The following CCDC7 variants were observed in gnomAD, a reference collection of about 807,000 sequenced individuals.
CCDC7 encodes coiled-coil domain containing 7, also known as coiled-coil domain-containing protein 7.
In CCDC7, 183 loss-of-function variants were observed where a neutral mutation model predicts 196.9. The observed-to-expected ratio is 0.93, with a 90% CI of 0.82 to 1.05. CCDC7 has a LOEUF of 1.05. CCDC7 is among the 50% of genes least tolerant of loss of function. CCDC7 has a pLI of 0.00. For missense variants in CCDC7, 1,540 were observed against 1,482.2 expected (o/e 1.04, Z -0.64); for synonymous variants, 525 against 484.6 (o/e 1.08, Z -1.10).
chr10:32,588,685 T>C (rs1205207019), intron 18 of CCDC7, among the ~76,000 whole-genome samples: 1 of 152,170 alleles, frequency 6.6e-6, no homozygotes, highest in Non-Finnish European at 1.5e-5. Flanking sequence ...AAGTTTTCCC[T>C]ATTCTTTTAT....
intron 18 of CCDC7, among the ~76,000 whole-genome samples, chr10:32,633,696 A>ATATATATGTGTGTG (rs779341941): frequency 0.026 from 3,566 of 134,704 alleles, 77 homozygotes; most frequent in Admixed American, 0.066. Context: ...ATATATATAT[A>ATATATATGTGTGTG]TGTGTGTGTG....
chr10:32,825,826 C>T lies in CCDC7; in HGVS notation c.3268+1222C>T, dbSNP rs192971012. ...GCAATGAAAGGTGCATGCACAGCCT[C>T]GCCAGGTGTCTACTGTTAAAGTGAG... is the stretch of plus-strand genomic sequence containing the variant. On this transcript the variant is annotated intron_variant, in intron 32 of 41. Transcript: ENST00000639629. Among the ~76,000 whole-genome samples, 25 of 152,242 alleles carry T rather than the reference C, an allele frequency of 1.6e-4. No homozygotes were observed. The South Asian group carries it at 3.7e-3, about 23-fold the overall frequency.
rs148714626 is a variant in CCDC7 at position 32,656,719 on chromosome 10, C to T, written c.2015-7335C>T. ...GCGAGCCAAACCATATCATTCCACC[C>T]GGCCCCTCCCAAATCTCATGTCCTC... is the stretch of plus-strand genomic sequence containing the variant. On this transcript the variant is annotated intron_variant, in intron 20 of 41. Transcript: ENST00000639629. Among the ~76,000 whole-genome samples the T allele has an allele frequency of 5.1e-3, 781 of 152,246 alleles. 8 individuals are homozygous for T. Among genetic ancestry groups the T allele is most frequent in the African/African-American group, 0.017 (692 of 41,558 alleles).
chr10:32,776,280 A>G (rs2080039251), intron 28 of CCDC7, among the ~76,000 whole-genome samples: 1 of 149,974 alleles, frequency 6.7e-6, no homozygotes, highest in Non-Finnish European at 1.5e-5. Context: ...TTGAAGTATA[A>G]TAAAAAAAAA....
At chr10:32,562,642 A>C (rs1403310843) in intron 13 of CCDC7, among the ~76,000 whole-genome samples, 1 of 152,206 alleles carries the variant, frequency 6.6e-6, no homozygotes, top group African/African-American at 2.4e-5. Flanking sequence ...TATTGATGGG[A>C]CGTATCTCAA....
In CCDC7 at chr10:32,610,393, C is replaced by T. The variant is rs373193566; in HGVS notation, c.1802-23861C>T. Among the ~76,000 whole-genome samples the T allele has an allele frequency of 5.3e-5, 8 of 152,112 alleles. No individual in the cohort carries two copies. The East Asian group carries it at 7.7e-4, about 15-fold the overall frequency. On this transcript the variant is annotated intron_variant, in intron 18 of 41. Coordinates refer to ENST00000639629, the Ensembl canonical transcript of CCDC7. Reference sequence around the variant, plus strand: ...TGCTGGGATTACAGGCGTGAGCCAACGCACCCGGCCCCAGATTTCTTTATT... The same window carrying T: ...TGCTGGGATTACAGGCGTGAGCCAATGCACCCGGCCCCAGATTTCTTTATT...
intron 8 of CCDC7, among the ~76,000 whole-genome samples, chr10:32,486,246 A>G (rs1010263513): frequency 1.2e-4 from 19 of 152,100 alleles, no homozygotes; most frequent in Admixed American, 2.6e-4. Context: ...CTTTACCATT[A>G]TGTAATGGCC....
intron 14 of CCDC7, among the ~76,000 whole-genome samples, chr10:32,567,078 T>A (rs2056935952): frequency 6.8e-6 from 1 of 146,002 alleles, no homozygotes; most frequent in South Asian, 2.1e-4. Context: ...ATATAATATA[T>A]ATTATATATA....
At chr10:32,676,813 G>A (rs560319957) in intron 21 of CCDC7, among the ~76,000 whole-genome samples, 3 of 152,200 alleles carry the variant, frequency 2.0e-5, no homozygotes, top group African/African-American at 7.2e-5. Context: ...GCAGTGTGGC[G>A]ATTCCTCAGG....
chr10:32,622,074 A>G (rs1336768642), intron 18 of CCDC7, among the ~76,000 whole-genome samples: 1 of 152,124 alleles, frequency 6.6e-6, no homozygotes, highest in Non-Finnish European at 1.5e-5. Flanking sequence ...TTTATCTCTC[A>G]CCTTTCTCTA....
At chr10:32,738,722 C>T (rs1362388951) in intron 28 of CCDC7, among the ~76,000 whole-genome samples, 2 of 151,872 alleles carry the variant, frequency 1.3e-5, no homozygotes, top group Non-Finnish European at 2.9e-5. Flanking sequence ...AATCCATCTG[C>T]TTTAGCCTCC....
At chr10:32,456,174 G>C (rs557571096) in intron 2 of CCDC7, 77 bp from the exon 4 acceptor site, 4 of 1,311,602 alleles carry the variant, frequency 3.0e-6, no homozygotes, top group Non-Finnish European at 4.0e-6. Flanking sequence ...TTTTCAAAAA[G>C]TAAATATGCT....
At chr10:32,621,707 A>G (rs1403113304) in intron 18 of CCDC7, among the ~76,000 whole-genome samples, 1 of 152,196 alleles carries the variant, frequency 6.6e-6, no homozygotes, top group African/African-American at 2.4e-5. Context: ...TGAAGGCCCA[A>G]CAACCAGGAG....
exon 30 of CCDC7, chr10:32,805,064 T>C: frequency 6.2e-7 from 1 of 1,612,258 alleles, no homozygotes; most frequent in Non-Finnish European, 8.5e-7. Context: ...GCTTATTAAA[T>C]GATGAATTCA....
In CCDC7 at chr10:32,785,121, GA is replaced by G. The variant is rs528244811; in HGVS notation, c.3013+6044del. 6.0e-3 allele frequency among the ~76,000 whole-genome samples: 914 copies of G among 152,160 alleles called. 9 individuals carry two copies. The highest frequency in any genetic ancestry group is 0.021 in the African/African-American group (869 of 41,514). On this transcript the variant is annotated intron_variant, in intron 29 of 41. Coordinates refer to ENST00000639629, the Ensembl canonical transcript of CCDC7. ...ATTTTCATCTCTATCAAATATTGCA[GA>G]AAAAAACTAGTTTATGAAGGACATA...
chr10:32,593,759 C>T (rs1435150748), intron 18 of CCDC7, among the ~76,000 whole-genome samples: 1 of 152,152 alleles, frequency 6.6e-6, no homozygotes, highest in Non-Finnish European at 1.5e-5. Context: ...TTTCAGCTTT[C>T]TACGTATGGC....
chr10:32,518,445 G>A, exon 11 of CCDC7: 1 of 1,604,796 alleles, frequency 6.2e-7, no homozygotes, highest in Non-Finnish European at 8.5e-7. Context: ...GTGATTTTCA[G>A]TTGTTATCAG....
intron 32 of CCDC7, among the ~76,000 whole-genome samples, chr10:32,833,116 G>A (rs1050308147): frequency 6.6e-6 from 1 of 151,926 alleles, no homozygotes; most frequent in African/African-American, 2.4e-5. Flanking sequence ...GTTATATAGA[G>A]AAATAATTAT....
chr10:32,859,591 A>G (rs2093894229), intron 41 of CCDC7, among the ~76,000 whole-genome samples: 1 of 152,190 alleles, frequency 6.6e-6, no homozygotes, highest in Non-Finnish European at 1.5e-5. Context: ...AAGGAGAGAC[A>G]CAAAAAACCC....
Sources: allele counts gnomAD v4.1 joint callset (sites outside exome capture counted in the v4.1 genomes callset), GRCh38; gene constraint gnomAD v4.1.1; transcripts MANE v1.5; gene names NCBI Gene and HGNC (gene_info 2026-07-23, HGNC 2026-07-21).